WIPI2: variants seen among roughly 807,000 people sequenced by gnomAD.
WIPI2 encodes the protein WD repeat domain phosphoinositide-interacting protein 2.
WIPI2 carries 28 observed loss-of-function variants against 52.3 expected under a neutral mutation model. The ratio of observed to expected loss-of-function variants is 0.54; its 90% CI spans 0.40 to 0.73. The LOEUF (loss-of-function observed/expected upper bound fraction) is 0.73. Ranked by LOEUF, WIPI2 falls within the 30% of genes least tolerant of loss-of-function variation. WIPI2 has a pLI of 0.00. For synonymous variants in WIPI2, 268 were observed against 245.0 expected (o/e 1.09, Z -0.88); for missense variants, 506 against 602.9 (o/e 0.84, Z 1.68).
In WIPI2 at chr7:5,209,895, C is replaced by T. The variant is rs150264149; in HGVS notation, c.212-4640C>T. On this transcript the variant is annotated intron_variant, in intron 3 of 12. Coordinates refer to ENST00000288828, the MANE Select transcript of WIPI2 (RefSeq NM_015610.4). ...ATATTTCTACTTCTCCAGAACATAA[C>T]TTCTTTTTTTGTTTTGTTTTTTTGG... is the stretch of plus-strand genomic sequence containing the variant. Among the ~76,000 whole-genome samples the T allele has an allele frequency of 5.6e-3, 844 of 152,050 alleles. 7 individuals are homozygous for T. The highest frequency in any genetic ancestry group is 0.02 in the African/African-American group (822 of 41,470).
chr7:5,223,417 C>G (rs906647351), intron 8 of WIPI2, among the ~76,000 whole-genome samples: 3 of 152,180 alleles, frequency 2.0e-5, no homozygotes, highest in Non-Finnish European at 2.9e-5. Context: ...ATCTGGTCCC[C>G]TTTCCTCATG....
rs757121817 is a variant in WIPI2 at position 5,232,405 on chromosome 7, G to T, written c.*1458G>T. ...CTAAATGCAGGGGACGCTGGAGTCC[G>T]ACTCACCTACACCGGCTTCCTCCCA... On this transcript the variant is annotated 3_prime_UTR_variant, in exon 13 of 13. Coordinates refer to ENST00000288828, the MANE Select transcript of WIPI2 (RefSeq NM_015610.4). 8 of 398,014 alleles carry T rather than the reference G, an allele frequency of 2.0e-5. No individual in the cohort carries two copies. Among genetic ancestry groups the T allele is most frequent in the Non-Finnish European group, 3.5e-5 (8 of 226,082 alleles). The allele number at this position is 398,014 out of a possible 1,614,324, so 24.7% of individuals were successfully genotyped here.
In WIPI2 at chr7:5,193,160, C is replaced by A; in HGVS notation, c.117C>A (p.Arg39=). The part of the protein sequence containing the change: ...GASRAAGLGR[R]AVVWSLAVGS... ...CAAGAGCAGCTGGTCTTGGCCGTCG[C>A]GCTGTTGTCTGGTTAGTTCCAACCC... Residue 39 remains arginine, a synonymous_variant, in exon 2 of 13, where the codon CGC becomes CGA. Coordinates refer to ENST00000288828, the MANE Select transcript of WIPI2 (RefSeq NM_015610.4). 2 of 1,613,618 alleles carry A rather than the reference C, an allele frequency of 1.2e-6. No homozygotes were observed.
chr7:5,221,151 C>T (rs534895496), intron 7 of WIPI2, among the ~76,000 whole-genome samples: 16 of 151,598 alleles, frequency 1.1e-4, no homozygotes, highest in East Asian at 5.9e-4. Context: ...TTAGTAGAGA[C>T]GGGGTTTCAC....
At chr7:5,209,637 T>C (rs1782456847) in intron 3 of WIPI2, among the ~76,000 whole-genome samples, 1 of 152,232 alleles carries the variant, frequency 6.6e-6, no homozygotes, top group South Asian at 2.1e-4. Context: ...GTTCTCACTT[T>C]GAAATCTCCC....
intron 3 of WIPI2, among the ~76,000 whole-genome samples, chr7:5,210,771 G>A (rs1471616038): frequency 6.6e-6 from 1 of 152,190 alleles, no homozygotes; most frequent in East Asian, 1.9e-4. Flanking sequence ...ATGAAGTGTT[G>A]CTCCCAGGGG....
At chr7:5,191,198 T>C (rs935154499) in intron 1 of WIPI2, among the ~76,000 whole-genome samples, 3 of 151,972 alleles carry the variant, frequency 2.0e-5, no homozygotes, top group Non-Finnish European at 4.4e-5. Context: ...TTTTTTGTAT[T>C]TGTAGTAGAG....
intron 3 of WIPI2, chr7:5,213,203 A>G (rs1485391085): frequency 2.6e-5 from 4 of 152,130 alleles, no homozygotes; most frequent in African/African-American, 7.2e-5. Flanking sequence ...CCCTGCCACC[A>G]TCTCCCCATT....
rs1383569067 is a variant in WIPI2 at position 5,233,092 on chromosome 7, T to TG, written c.*2146dup. ...GTTCCCTGCAGACCACGGGAAGCCC[T>TG]GTGCTTGCCTGGGTCAGGGCTAAGC... is the stretch of plus-strand genomic sequence containing the variant. On this transcript the variant is annotated 3_prime_UTR_variant, in exon 13 of 13. Coordinates refer to ENST00000288828, the MANE Select transcript of WIPI2 (RefSeq NM_015610.4). The TG allele has an allele frequency of 6.6e-6, 1 of 152,294 alleles. No individual in the cohort carries two copies. Among genetic ancestry groups the TG allele is most frequent in the Non-Finnish European group, 1.5e-5 (1 of 68,088 alleles). 9.4% of individuals were successfully genotyped at this position (152,294 alleles called of 1,614,324 possible).
chr7:5,209,312 G>C (rs903695454), intron 3 of WIPI2, among the ~76,000 whole-genome samples: 7 of 152,144 alleles, frequency 4.6e-5, no homozygotes, highest in Non-Finnish European at 1.0e-4. Flanking sequence ...ACTGCAACGT[G>C]TAAGACCTCG....
intron 2 of WIPI2, among the ~76,000 whole-genome samples, chr7:5,193,569 G>A (rs1390922852): frequency 4.6e-5 from 7 of 152,162 alleles, no homozygotes; most frequent in Admixed American, 3.9e-4. Flanking sequence ...TAAATCAAGG[G>A]TTTGGGTTTT....
intron 3 of WIPI2, among the ~76,000 whole-genome samples, chr7:5,205,687 T>A (rs1418821916): frequency 6.6e-6 from 1 of 152,070 alleles, no homozygotes; most frequent in Non-Finnish European, 1.5e-5. Context: ...CTATTTTTTT[T>A]AGTAGAGATG....
chr7:5,228,841 A>C (rs1783575905), intron 11 of WIPI2, among the ~76,000 whole-genome samples: 1 of 151,784 alleles, frequency 6.6e-6, no homozygotes, highest in Admixed American at 6.6e-5. Context: ...GGATCCTTCC[A>C]CCTCAGCCTC....
chr7:5,190,800 G>A (rs752988428), intron 1 of WIPI2: 20 of 255,350 alleles, frequency 7.8e-5, no homozygotes, highest in African/African-American at 1.6e-4. Context: ...AGTTGGGGCC[G>A]AACTTTGGGG....
At chr7:5,201,721 C>T (rs1782037382) in intron 3 of WIPI2, among the ~76,000 whole-genome samples, 1 of 151,998 alleles carries the variant, frequency 6.6e-6, no homozygotes, top group East Asian at 1.9e-4. Context: ...ACTCCAGCCT[C>T]GGTGACAGTG....
chr7:5,211,157 C>T (rs772505845), intron 3 of WIPI2, among the ~76,000 whole-genome samples: 1 of 152,188 alleles, frequency 6.6e-6, no homozygotes, highest in Non-Finnish European at 1.5e-5. Flanking sequence ...CAGCCAGGAA[C>T]ATGTGCATCA....
Position 5,190,302 on chromosome 7 carries a change from G to T in WIPI2, c.-118G>T. The T allele has an allele frequency of 5.3e-6, 3 of 562,454 alleles. No homozygotes were observed. The highest frequency in any genetic ancestry group is 7.7e-6 in the Non-Finnish European group (3 of 389,976). 34.8% of individuals were successfully genotyped at this position (562,454 alleles called of 1,614,324 possible). ...GGATGAGGCGGCGGTTGATCCCAGG[G>T]TGGCGAGTGGCGGCGACCGAGGCGG... On this transcript the variant is annotated 5_prime_UTR_variant, in exon 1 of 13. Coordinates refer to ENST00000288828, the MANE Select transcript of WIPI2 (RefSeq NM_015610.4).
chr7:5,215,173 T>C (rs1782750786), intron 4 of WIPI2, among the ~76,000 whole-genome samples: 1 of 152,180 alleles, frequency 6.6e-6, no homozygotes, highest in Admixed American at 6.5e-5. Context: ...TAGCCGGGCA[T>C]GGTGGCAGGC....
chr7:5,229,216 T>G (rs1394280798), intron 11 of WIPI2, among the ~76,000 whole-genome samples: 1 of 152,038 alleles, frequency 6.6e-6, no homozygotes, highest in Non-Finnish European at 1.5e-5. Flanking sequence ...GGGGTTTCAC[T>G]GTGTTAGCCA....
Sources: allele counts gnomAD v4.1 joint callset (sites outside exome capture counted in the v4.1 genomes callset), GRCh38; gene constraint gnomAD v4.1.1; transcripts MANE v1.5; gene names NCBI Gene and HGNC (gene_info 2026-07-23, HGNC 2026-07-21).